Variants in DGKD observed in about 807,000 individuals in gnomAD.
DGKD encodes diacylglycerol kinase delta.
In DGKD, 68 loss-of-function variants were observed where a neutral mutation model predicts 154.4. The ratio of observed to expected loss-of-function variants is 0.44; its 90% CI spans 0.36 to 0.54. The LOEUF (loss-of-function observed/expected upper bound fraction) is 0.54, where lower values mean the gene tolerates loss of function less well. Among genes scored for constraint, DGKD ranks in the 20% least tolerant of loss-of-function variants. The probability of loss-of-function intolerance (pLI) is 0.00; values close to 1 mark genes in which losing one functional copy is unlikely to be tolerated. For synonymous variants in DGKD, 693 were observed against 638.0 expected, an observed-to-expected ratio of 1.09 and a Z score of -1.30; for missense variants, 1,343 against 1,593.6, an observed-to-expected ratio of 0.84 and a Z score of 2.68.
At chr2:233,462,762 G>T in intron 26 of DGKD, 27 bp downstream of exon 26, 1 of 1,600,204 alleles carries the variant, frequency 6.2e-7, no homozygotes, top group East Asian at 2.2e-5. Flanking sequence ...GGGACAGCAG[G>T]GCTCGGGCTG....
chr2:233,375,309 A>G (rs1702516107), intron 1 of DGKD, among the ~76,000 whole-genome samples: 1 of 152,032 alleles, frequency 6.6e-6, no homozygotes, highest in African/African-American at 2.4e-5. Context: ...AAAAAAAAGA[A>G]AAAAAAGAAA....
rs73997606 is a variant in DGKD, at chr2:233,470,392, G to A, written c.*932G>A. 4,670 of 152,476 alleles carry A rather than the reference G, an allele frequency of 0.031. 231 individuals carry two copies. The highest frequency in any genetic ancestry group is 0.11 in the African/African-American group (4,456 of 41,560). The allele number at this position is 152,476 out of a possible 1,614,324, so 9.4% of individuals were successfully genotyped here. The stretch of plus-strand genomic sequence containing the variant: ...AGCGTGGCCCTGGTGGGCCAGGGGT[G>A]GTTTGACCTCTTCAGCCCGTCCGGT... On this transcript the variant is annotated 3_prime_UTR_variant, in exon 30 of 30. Coordinates refer to ENST00000264057, the MANE Select transcript of DGKD (RefSeq NM_152879.3).
chr2:233,394,690 CCTTTTTTTTTTTTTTTTTTTTTT>C (rs751418219), intron 3 of DGKD, among the ~76,000 whole-genome samples: 2 of 83,250 alleles, frequency 2.4e-5, no homozygotes, highest in African/African-American at 4.4e-5. Flanking sequence ...AATTTAATTC[CCTTTTTTTTTTTTTTTTTTTTTT>C]TTTTTTTTTT....
In DGKD at chr2:233,400,983, T is replaced by C. The variant is rs570675998; in HGVS notation, c.348+10500T>C. The stretch of plus-strand genomic sequence containing the variant: ...ACTCTGTCTTTGAATGTCCAGGGTC[T>C]GTGTATCCTCTACCAGATAGAAGAC... On this transcript the variant is annotated intron_variant, in intron 3 of 29. Coordinates refer to ENST00000264057, the MANE Select transcript of DGKD (RefSeq NM_152879.3). Among the ~76,000 whole-genome samples the C allele has an allele frequency of 3.9e-5, 6 of 152,284 alleles. No individual in the cohort carries two copies. In the South Asian group the frequency reaches 1.2e-3, roughly 32 times the overall value.
chr2:233,421,200 G>A (rs990549462), intron 3 of DGKD, among the ~76,000 whole-genome samples: 2 of 152,074 alleles, frequency 1.3e-5, no homozygotes, highest in Non-Finnish European at 1.5e-5. Flanking sequence ...TGGCCCTGCC[G>A]CCACCCCAGC....
intron 3 of DGKD, among the ~76,000 whole-genome samples, chr2:233,418,239 A>T (rs539841416): frequency 3.3e-5 from 5 of 152,156 alleles, no homozygotes; most frequent in Non-Finnish European, 7.4e-5. Flanking sequence ...TATTGAAACC[A>T]CATTTGTTTG....
In DGKD at chr2:233,452,127, T is replaced by C. The variant is rs1267374646; in HGVS notation, c.2264+67T>C. ...GCTGCTAGTGCATAGAAAACAGATC[T>C]CAGGATTAACTAGAGAAATTAGTGA... On this transcript the variant is annotated intron_variant, in intron 18 of 29. Transcript: ENST00000264057. The surrounding 1 kb of genome is among the most constrained non-coding windows in gnomAD (Gnocchi z 4.0). 1 of 1,439,048 alleles carries C rather than the reference T, an allele frequency of 6.9e-7. No homozygotes were observed. The highest frequency in any genetic ancestry group is 9.8e-7 in the Non-Finnish European group (1 of 1,023,110). 89.1% of individuals were successfully genotyped at this position (1,439,048 alleles called of 1,614,324 possible). A position where few individuals can be genotyped will look rare whatever the true frequency, so the allele number is the denominator to read the frequency against.
Position 233,445,511 on chromosome 2 carries a change from T to G in DGKD, c.1195-112T>G, listed in dbSNP as rs2063036136. ...GTAAGCTGCGTGGTTTTAGGTCACG[T>G]CCCCACATTGCTAACGTAACCCTCA... On this transcript the variant is annotated intron_variant, in intron 10 of 29. Coordinates refer to ENST00000264057, the MANE Select transcript of DGKD (RefSeq NM_152879.3). This position sits in a 1 kb window ranked among gnomAD's most constrained non-coding sequence, Gnocchi z 5.5. 6.9e-7 allele frequency: 1 copy of G among 1,441,346 alleles called. No homozygotes were observed. The highest frequency in any genetic ancestry group is 1.4e-5 in the African/African-American group (1 of 69,130). 89.3% of individuals were successfully genotyped at this position (1,441,346 alleles called of 1,614,324 possible). A position where few individuals can be genotyped will look rare whatever the true frequency, so the allele number is the denominator to read the frequency against.
intron 25 of DGKD, 63 bp downstream of exon 25, chr2:233,462,522 CG>C (rs2063681375): frequency 6.5e-7 from 1 of 1,539,058 alleles, no homozygotes; most frequent in South Asian, 1.1e-5. Context: ...CGGCCCTCCC[CG>C]TGCGTGTTCA....
intron 3 of DGKD, among the ~76,000 whole-genome samples, chr2:233,418,217 C>T (rs1697116982): frequency 6.6e-6 from 1 of 152,202 alleles, no homozygotes; most frequent in Non-Finnish European, 1.5e-5. Context: ...TGAGGTGCTG[C>T]CAGCGTTTTG....
rs1043104731 is a variant in DGKD, at chr2:233,445,820, G to T, written c.1334+58G>T. The T allele has an allele frequency of 3.3e-6, 5 of 1,516,922 alleles. No homozygotes were observed. Among genetic ancestry groups the T allele is most frequent in the Non-Finnish European group, 4.4e-6 (5 of 1,129,640 alleles). The allele number at this position is 1,516,922 out of a possible 1,614,324, so 94.0% of individuals were successfully genotyped here. On this transcript the variant is annotated intron_variant, in intron 11 of 29. Coordinates refer to ENST00000264057, the MANE Select transcript of DGKD (RefSeq NM_152879.3). The surrounding 1 kb of genome is among the most constrained non-coding windows in gnomAD (Gnocchi z 5.5). ...GAGACTTTGAGAGACAGGTCCCTTTGACCAGGTGTTCTTAACCTGGGGTCT... is the reference window on the plus strand; with the variant it reads ...GAGACTTTGAGAGACAGGTCCCTTTTACCAGGTGTTCTTAACCTGGGGTCT...
intron 1 of DGKD, among the ~76,000 whole-genome samples, chr2:233,372,962 C>T (rs1702394663): frequency 6.6e-6 from 1 of 152,162 alleles, no homozygotes; most frequent in Admixed American, 6.5e-5. Flanking sequence ...CCAAGTCCAG[C>T]TTAGGACAAA....
intron 1 of DGKD, among the ~76,000 whole-genome samples, chr2:233,366,144 A>G (rs1702017333): frequency 6.6e-6 from 1 of 152,178 alleles, no homozygotes; most frequent in Non-Finnish European, 1.5e-5. Context: ...TTGGGATCTG[A>G]CACTGGAGAG....
chr2:233,402,942 T>C (rs192677661), intron 3 of DGKD, among the ~76,000 whole-genome samples: 334 of 152,308 alleles, frequency 2.2e-3, no homozygotes, highest in African/African-American at 7.3e-3. Flanking sequence ...TATAAAGAAG[T>C]AGTTCTAGTG....
At chr2:233,442,111 T>C (rs1553638195) in intron 10 of DGKD, 116 bp downstream of exon 10, 5 of 978,480 alleles carry the variant, frequency 5.1e-6, no homozygotes, top group East Asian at 2.6e-5. Flanking sequence ...CCAGAAACCA[T>C]TGGTGGTTTT....
At chr2:233,366,284 G>A (rs974974230) in intron 1 of DGKD, among the ~76,000 whole-genome samples, 1 of 152,200 alleles carries the variant, frequency 6.6e-6, no homozygotes, top group South Asian at 2.1e-4. Flanking sequence ...GCTGCGCTGC[G>A]GTTGCCTGAG....
In DGKD at chr2:233,454,947, C is replaced by T. The variant is rs946570334; in HGVS notation, c.2375+74C>T. The T allele has an allele frequency of 1.2e-5, 12 of 965,448 alleles. No homozygotes were observed. The African/African-American group carries it at 1.8e-4, about 14-fold the overall frequency. The allele number at this position is 965,448 out of a possible 1,614,324, so 59.8% of individuals were successfully genotyped here. ...TCTCCTTCCAGACAGTAGCAGATTT[C>T]TGGAGTCAGCAGGTTAAAGAACGTG... On this transcript the variant is annotated intron_variant, in intron 19 of 29. Coordinates refer to ENST00000264057, the MANE Select transcript of DGKD (RefSeq NM_152879.3).
At chr2:233,374,690 T>C (rs1702480418) in intron 1 of DGKD, among the ~76,000 whole-genome samples, 1 of 152,134 alleles carries the variant, frequency 6.6e-6, no homozygotes. Context: ...TCATCCAGGC[T>C]GCAGTGCAGT....
rs1272787790 is a variant in DGKD at position 233,467,333 on chromosome 2, TC to T, written c.3424+132del. ...TTGGTCCCTGTGCTGTAACCCCCGG[TC>T]CTGCGACCACACTTGTCTGTTGGTA... On this transcript the variant is annotated intron_variant, in intron 28 of 29. Transcript: ENST00000264057. The T allele has an allele frequency of 1.1e-5, 8 of 715,978 alleles. No individual in the cohort carries two copies. In the African/African-American group the frequency reaches 1.4e-4, roughly 13 times the overall value. 44.4% of individuals were successfully genotyped at this position (715,978 alleles called of 1,614,324 possible).
Sources: allele counts gnomAD v4.1 joint callset (sites outside exome capture counted in the v4.1 genomes callset), GRCh38; gene constraint gnomAD v4.1.1; non-coding constraint Gnocchi (gnomAD v3.1); transcripts MANE v1.5; gene names NCBI Gene and HGNC (gene_info 2026-07-23, HGNC 2026-07-21).